Variants in PCDHGA1 observed in about 807,000 individuals in gnomAD.
PCDHGA1 encodes protocadherin gamma-A1.
A neutral mutation model predicts 58.0 loss-of-function variants in PCDHGA1; 32 were observed. The observed-to-expected ratio is 0.55, with a 90% confidence interval of 0.42 to 0.74. The LOEUF is 0.74. Among genes scored for constraint, PCDHGA1 ranks in the 30% least tolerant of loss-of-function variants. The pLI is 0.00. For missense variants in PCDHGA1, 1,205 were observed against 1,182.3 expected, an observed-to-expected ratio of 1.02 and a Z score of -0.28; for synonymous variants, 498 against 501.1, an observed-to-expected ratio of 0.99 and a Z score of 0.08.
intron 3 of PCDHGA1, among the ~76,000 whole-genome samples, chr5:141,508,957 C>T (rs1242113190): frequency 6.6e-6 from 1 of 151,976 alleles, no homozygotes; most frequent in Non-Finnish European, 1.5e-5. Context: ...GAAATGTCAG[C>T]GGAATGAAAG....
chr5:141,447,078 G>A (rs531206989), intron 1 of PCDHGA1, among the ~76,000 whole-genome samples: 5 of 152,018 alleles, frequency 3.3e-5, no homozygotes, highest in Non-Finnish European at 7.4e-5. Context: ...TTTAATTTTT[G>A]TTGTTTAATT....
At chr5:141,409,464 C>A in intron 1 of PCDHGA1, 1 of 1,613,940 alleles carries the variant, frequency 6.2e-7, no homozygotes, top group South Asian at 1.1e-5. Context: ...TACAATGTCA[C>A]CATCGTAGCC....
intron 1 of PCDHGA1, among the ~76,000 whole-genome samples, chr5:141,471,744 A>G (rs2099263733): frequency 6.6e-6 from 1 of 152,208 alleles, no homozygotes; most frequent in South Asian, 2.1e-4. Context: ...GAGACATAAC[A>G]TATTTGAGGG....
chr5:141,403,033 G>T (rs764461706), intron 1 of PCDHGA1: 1 of 1,614,056 alleles, frequency 6.2e-7, no homozygotes, highest in Non-Finnish European at 8.5e-7. Flanking sequence ...GGGAGGCCAG[G>T]GCCAGTCAGA....
At chr5:141,350,950 G>T (rs781241590) in intron 1 of PCDHGA1, 2 of 1,613,932 alleles carry the variant, frequency 1.2e-6, no homozygotes, top group African/African-American at 1.3e-5. Flanking sequence ...TCCGAGTTAC[G>T]GATGCCAATG....
chr5:141,355,585 A>G, intron 1 of PCDHGA1: 1 of 1,614,046 alleles, frequency 6.2e-7, no homozygotes, highest in Non-Finnish European at 8.5e-7. Flanking sequence ...TGTTAATGAT[A>G]ACCCACCCAG....
Position 141,486,407 on chromosome 5 carries a change from C to T in PCDHGA1, c.2422-8400C>T. The T allele has an allele frequency of 6.2e-7, 1 of 1,614,134 alleles. No individual in the cohort carries two copies. Among genetic ancestry groups the T allele is most frequent in the African/African-American group, 1.3e-5 (1 of 75,046 alleles). ...CCAGTTCTCCCTGGTGACTGCTGGA[C>T]CCTTGGATCGAGAGGCCAAATCTAG... On this transcript the variant is annotated intron_variant, in intron 1 of 3. Coordinates refer to ENST00000517417, the MANE Select transcript of PCDHGA1 (RefSeq NM_018912.3). This position sits in a 1 kb window ranked among gnomAD's most constrained non-coding sequence, Gnocchi z 5.0.
At chr5:141,366,611 G>A (rs1479573730) in intron 1 of PCDHGA1, 2 of 1,614,240 alleles carry the variant, frequency 1.2e-6, no homozygotes, top group Admixed American at 1.7e-5. Context: ...CTCCCTCACC[G>A]CGGACTCGAG....
intron 1 of PCDHGA1, among the ~76,000 whole-genome samples, chr5:141,353,042 T>A (rs1759172373): frequency 6.6e-6 from 1 of 152,182 alleles, no homozygotes; most frequent in Non-Finnish European, 1.5e-5. Flanking sequence ...GGTGTATAAG[T>A]AATTTTGATT....
chr5:141,347,768 TAGAG>T (rs1175375431), intron 1 of PCDHGA1, among the ~76,000 whole-genome samples: 1 of 147,122 alleles, frequency 6.8e-6, no homozygotes, highest in Non-Finnish European at 1.5e-5. Flanking sequence ...GCTGGGGCAA[TAGAG>T]AGAGACTCCA....
At chr5:141,421,189 C>G in intron 1 of PCDHGA1, 1 of 1,477,674 alleles carries the variant, frequency 6.8e-7, no homozygotes, top group Non-Finnish European at 9.0e-7. Flanking sequence ...CACAACCAAC[C>G]AGCTCGAGAA....
chr5:141,355,805 G>T (rs571571659), intron 1 of PCDHGA1: 1 of 1,613,322 alleles, frequency 6.2e-7, no homozygotes, highest in South Asian at 1.1e-5. Flanking sequence ...GCTCTAGATC[G>T]CGAGGAAGAG....
chr5:141,344,892 A>G, intron 1 of PCDHGA1: 1 of 1,613,944 alleles, frequency 6.2e-7, no homozygotes, highest in Non-Finnish European at 8.5e-7. Context: ...AATGCCTGGG[A>G]AAATCGCTGA....
chr5:141,410,849 C>CTTTTTTTTTGTTTTTTTT (rs2095433801), intron 1 of PCDHGA1: 1 of 129,786 alleles, frequency 7.7e-6, no homozygotes, highest in African/African-American at 6.0e-5. Context: ...TTGTCTTTGT[C>CTTTTTTTTTGTTTTTTTT]TTTTTTTTTT....
chr5:141,464,823 C>T (rs890811354), intron 1 of PCDHGA1, among the ~76,000 whole-genome samples: 5 of 151,986 alleles, frequency 3.3e-5, no homozygotes, highest in African/African-American at 1.2e-4. Flanking sequence ...ACTGTAGCCT[C>T]GCACTCCTGG....
rs971610218 is a variant in PCDHGA1, at chr5:141,400,979, C to T, written c.2421+67874C>T. Among the ~76,000 whole-genome samples, 10 of 152,258 alleles carry T rather than the reference C, an allele frequency of 6.6e-5. No individual in the cohort carries two copies. The East Asian group carries it at 9.6e-4, about 15-fold the overall frequency. ...GTAGTTTTCATCTCTTTCTTATGTT[C>T]CTCATATATGCTTTCTTATTCCTAC... On this transcript the variant is annotated intron_variant, in intron 1 of 3. Transcript: ENST00000517417.
At chr5:141,408,455 C>A in intron 1 of PCDHGA1, 1 of 1,614,050 alleles carries the variant, frequency 6.2e-7, no homozygotes, top group South Asian at 1.1e-5. Flanking sequence ...CGGGGACTTA[C>A]TTGTGAAGAA....
rs142329128 is a variant in PCDHGA1, at chr5:141,439,495, C to T, written c.2422-55312C>T. Among the ~76,000 whole-genome samples the T allele has an allele frequency of 9.7e-4, 147 of 152,324 alleles. 1 individual carries two copies. The highest frequency in any genetic ancestry group is 3.4e-3 in the African/African-American group (140 of 41,568). ...TCAGCTTGCAAATTCCAGTGAGAAACGTCTTTCTCTCTGCTCTCAACTAAC... is the reference window on the plus strand; with the variant it reads ...TCAGCTTGCAAATTCCAGTGAGAAATGTCTTTCTCTCTGCTCTCAACTAAC... On this transcript the variant is annotated intron_variant, in intron 1 of 3. Coordinates refer to ENST00000517417, the MANE Select transcript of PCDHGA1 (RefSeq NM_018912.3).
At position 141,374,284 on chromosome 5, in the gene PCDHGA1, C is replaced by A. The variant is rs756823871; in HGVS notation, c.2421+41179C>A. ...TGGCGGAGCACGGAGTCCGCATCGT[C>A]TCCAGAGGTAGGATGCAGCTTTTCT... is the stretch of plus-strand genomic sequence containing the variant. On this transcript the variant is annotated intron_variant, in intron 1 of 3. Transcript: ENST00000517417. The A allele has an allele frequency of 3.7e-6, 6 of 1,613,880 alleles. No individual in the cohort carries two copies. In the Admixed American group the frequency reaches 8.3e-5, roughly 22 times the overall value.
Sources: gnomAD v4.1 joint callset for allele counts (sites outside exome capture counted in the v4.1 genomes callset) on GRCh38, gnomAD v4.1.1 for gene constraint, Gnocchi (gnomAD v3.1) non-coding constraint, MANE v1.5 for transcripts, NCBI Gene and HGNC (gene_info 2026-07-23, HGNC 2026-07-21) for gene names.